The following ENPP3 variants were observed in gnomAD, a reference collection of about 807,000 sequenced individuals.
The protein encoded by ENPP3 is ectonucleotide pyrophosphatase/phosphodiesterase family member 3.
Under a neutral mutation model 117.8 loss-of-function variants are expected in ENPP3, and 104 were observed. The ratio of observed to expected loss-of-function variants is 0.88; its 90% CI spans 0.75 to 1.04. The LOEUF (loss-of-function observed/expected upper bound fraction) is 1.04. ENPP3 is among the 50% of genes least tolerant of loss of function. ENPP3 has a pLI of 0.00. For missense variants in ENPP3, 1,026 were observed against 1,051.9 expected (o/e 0.98, Z 0.34); for synonymous variants, 380 against 349.9 (o/e 1.09, Z -0.96).
intron 21 of ENPP3, among the ~76,000 whole-genome samples, 194 bp from the exon 22 acceptor site, chr6:131,737,161 C>CT (rs1780414117): frequency 6.6e-6 from 1 of 152,160 alleles, no homozygotes; most frequent in Non-Finnish European, 1.5e-5. Context: ...TTGGATGTAT[C>CT]TTTTTTGGAT....
chr6:131,736,804 T>C (rs1780406995), intron 21 of ENPP3, among the ~76,000 whole-genome samples: 1 of 152,188 alleles, frequency 6.6e-6, no homozygotes, highest in Non-Finnish European at 1.5e-5. Flanking sequence ...AAATGTATTA[T>C]CTCACAGTTC....
rs771627502 is a variant in ENPP3 at position 131,718,676 on chromosome 6, A to G, written c.1417A>G (p.Lys473Glu). 7.6e-6 allele frequency: 12 copies of G among 1,576,470 alleles called. No homozygotes were observed. The South Asian group carries it at 1.2e-4, about 16-fold the overall frequency. ...AATAATATTTTTTCTTTATAGGAGT[A>G]AATCAAATACAAATTGTGGAGGAGG... ...VDQQWLAVRS[K>E]SNTNCGGGNH... The change falls in exon 16 of 25, where the codon AAA becomes GAA. Residue 473 changes from lysine to glutamate, a missense_variant. Lys to Glu is a moderately conservative substitution (Grantham distance 56). Coordinates refer to ENST00000357639, the MANE Select transcript of ENPP3 (RefSeq NM_005021.5).
At chr6:131,665,862 A>G (rs1170024481) in intron 6 of ENPP3, among the ~76,000 whole-genome samples, 1 of 152,038 alleles carries the variant, frequency 6.6e-6, no homozygotes, top group Non-Finnish European at 1.5e-5. Context: ...TATTACTATA[A>G]CTTCCATCTT....
At chr6:131,693,118 TACAC>T (rs553322229) in intron 14 of ENPP3, among the ~76,000 whole-genome samples, 1 of 144,320 alleles carries the variant, frequency 6.9e-6, no homozygotes. Flanking sequence ...TATGGTTATA[TACAC>T]ACACACACAC....
intron 12 of ENPP3, 55 bp from the exon 13 acceptor site, chr6:131,685,309 A>T (rs1270673425): frequency 6.9e-6 from 10 of 1,449,874 alleles, no homozygotes; most frequent in Admixed American, 1.9e-5. Flanking sequence ...GACAGAAATC[A>T]ACCGTTGCCA....
chr6:131,666,762 T>C (rs1778624376), intron 6 of ENPP3, among the ~76,000 whole-genome samples: 1 of 152,254 alleles, frequency 6.6e-6, no homozygotes, highest in South Asian at 2.1e-4. Context: ...TTGAACATAT[T>C]TCCCCATTTA....
intron 18 of ENPP3, 138 bp downstream of exon 18, chr6:131,722,543 C>G (rs1780059227): frequency 3.0e-6 from 2 of 666,010 alleles, no homozygotes; most frequent in East Asian, 2.6e-5. Context: ...TGTGGTTTCT[C>G]TGAACCTTAC....
At position 131,726,214 on chromosome 6, in the gene ENPP3, T is replaced by C. The variant is rs117201878; in HGVS notation, c.1953+14T>C. On this transcript the variant is annotated intron_variant, in intron 20 of 24. Transcript: ENST00000357639. Reference sequence around the variant, plus strand: ...GTCCCCCAGTTGGTAAGTTCCTGAGTCCATTGATCCATGCAGGCAAGAAAT... The same window carrying C: ...GTCCCCCAGTTGGTAAGTTCCTGAGCCCATTGATCCATGCAGGCAAGAAAT... The C allele has an allele frequency of 3.4e-3, 5,420 of 1,608,446 alleles. 21 individuals are homozygous for C. Among genetic ancestry groups the C allele is most frequent in the Non-Finnish European group, 3.3e-3 (3,926 of 1,175,960 alleles).
At chr6:131,740,705 A>T (rs1021828130) in intron 24 of ENPP3, among the ~76,000 whole-genome samples, 6 of 152,086 alleles carry the variant, frequency 3.9e-5, no homozygotes, top group Admixed American at 2.6e-4. Context: ...TGACAATTGT[A>T]TGTATTTATG....
intron 20 of ENPP3, among the ~76,000 whole-genome samples, chr6:131,727,573 A>AAG (rs1395720262): frequency 5.3e-5 from 8 of 151,806 alleles, no homozygotes; most frequent in African/African-American, 1.7e-4. Flanking sequence ...AAAAAAAAAA[A>AAG]AAAAACAGCA....
At chr6:131,745,649 T>C (rs1780620978) in intron 24 of ENPP3, among the ~76,000 whole-genome samples, 2 of 152,086 alleles carry the variant, frequency 1.3e-5, no homozygotes, top group Non-Finnish European at 2.9e-5. Flanking sequence ...ACTGAAAAGA[T>C]GCATAAATAA....
rs777482963 is a variant in ENPP3, at chr6:131,674,197, T to C, written c.678T>C (p.Asn226=). ...CAGAGTCACATGGCATCATTGACAA[T>C]AATATGTATGATGTAAATCTCAACA... ...LYPESHGIID[N]NMYDVNLNKN... The change falls in exon 8 of 25, where the codon AAT becomes AAC. Residue 226 remains asparagine, a synonymous_variant. Coordinates refer to ENST00000357639, the MANE Select transcript of ENPP3 (RefSeq NM_005021.5). 6.3e-7 allele frequency: 1 copy of C among 1,582,718 alleles called. No homozygotes were observed. Among genetic ancestry groups the C allele is most frequent in the East Asian group, 2.2e-5 (1 of 44,634 alleles).
Position 131,673,197 on chromosome 6 carries a change from A to T in ENPP3, c.643-965A>T, listed in dbSNP as rs943752446. ...TGTAAACCATAATAGAACTAGAAAA[A>T]ATATATATATATACACACTTGGCCC... On this transcript the variant is annotated intron_variant, in intron 7 of 24. Transcript: ENST00000357639. Among the ~76,000 whole-genome samples, 33 of 151,978 alleles carry T rather than the reference A, an allele frequency of 2.2e-4. 1 individual carries two copies. The highest frequency in any genetic ancestry group is 1.5e-3 in the Admixed American group (23 of 15,236).
intron 11 of ENPP3, among the ~76,000 whole-genome samples, chr6:131,682,277 T>C (rs1390221037): frequency 2.0e-5 from 3 of 152,066 alleles, no homozygotes; most frequent in Non-Finnish European, 4.4e-5. Flanking sequence ...GAGGATCACT[T>C]GAGCCCAGGA....
chr6:131,723,474 T>C (rs533856974), intron 18 of ENPP3, among the ~76,000 whole-genome samples: 1 of 152,288 alleles, frequency 6.6e-6, no homozygotes, highest in South Asian at 2.1e-4. Flanking sequence ...AGATAAAACA[T>C]GCTCAGAGAA....
intron 11 of ENPP3, among the ~76,000 whole-genome samples, chr6:131,679,030 T>TTCTTTCTTTC (rs1562446908): frequency 2.9e-5 from 1 of 34,774 alleles, no homozygotes. Flanking sequence ...TCCTTCCTTC[T>TTCTTTCTTTC]TTCTTTCTTT....
chr6:131,658,332 G>T lies in ENPP3; in HGVS notation c.474G>T (p.Leu158=). Residue 158 remains leucine, a synonymous_variant, in exon 6 of 25, where the codon CTG becomes CTT. Coordinates refer to ENST00000357639, the MANE Select transcript of ENPP3 (RefSeq NM_005021.5). ...QQSQCPEGFD[L]PPVILFSMDG... ...TGTTTTCCATTTTCAGGTTTGACCTGCCACCAGTTATCTTGTTTTCTATGG... is the reference window on the plus strand; with the variant it reads ...TGTTTTCCATTTTCAGGTTTGACCTTCCACCAGTTATCTTGTTTTCTATGG... The T allele has an allele frequency of 6.2e-7, 1 of 1,603,736 alleles. No homozygotes were observed. Among genetic ancestry groups the T allele is most frequent in the South Asian group, 1.1e-5 (1 of 90,726 alleles).
chr6:131,718,109 C>T (rs929962192), intron 15 of ENPP3, among the ~76,000 whole-genome samples: 2 of 152,206 alleles, frequency 1.3e-5, no homozygotes, highest in Non-Finnish European at 2.9e-5. Context: ...CCTTAAGCAA[C>T]GCATGACTGG....
chr6:131,733,943 C>A (rs946555553), intron 21 of ENPP3, among the ~76,000 whole-genome samples: 1 of 152,120 alleles, frequency 6.6e-6, no homozygotes, highest in Non-Finnish European at 1.5e-5. Context: ...TCATCTGGCC[C>A]AGATGTTTAG....
Sources: gnomAD v4.1 joint callset for allele counts (sites outside exome capture counted in the v4.1 genomes callset) on GRCh38, gnomAD v4.1.1 for gene constraint, MANE v1.5 for transcripts, NCBI Gene and HGNC (gene_info 2026-07-23, HGNC 2026-07-21) for gene names.